The following TPX2 variants were observed in gnomAD, a reference collection of about 807,000 sequenced individuals.
TPX2 encodes targeting protein for Xklp2.
A neutral mutation model predicts 93.6 loss-of-function variants in TPX2; 21 were observed. The ratio of observed to expected loss-of-function variants is 0.22; its 90% CI spans 0.16 to 0.32. The LOEUF (loss-of-function observed/expected upper bound fraction) is 0.32, where lower values mean the gene tolerates loss of function less well. Among genes scored for constraint, TPX2 ranks in the 10% least tolerant of loss-of-function variants. The pLI is 1.00. For synonymous variants in TPX2, 281 were observed against 298.3 expected, an observed-to-expected ratio of 0.94 and a Z score of 0.60; for missense variants, 776 against 871.1, an observed-to-expected ratio of 0.89 and a Z score of 1.37.
At position 31,757,635 on chromosome 20, in the gene TPX2, T is replaced by A. The variant is rs150697779; in HGVS notation, c.106+53T>A. ...TAAGGATTAGTGGCTTGCTTTGTGC[T>A]GAAGACCTTTCAATAATAGAAGGGG... On this transcript the variant is annotated intron_variant, in intron 3 of 17. Transcript: ENST00000300403. 398 of 1,420,666 alleles carry A rather than the reference T, an allele frequency of 2.8e-4. 1 individual carries two copies. The African/African-American group carries it at 5.0e-3, about 18-fold the overall frequency. The allele number at this position is 1,420,666 out of a possible 1,614,324, so 88.0% of individuals were successfully genotyped here. A position where few individuals can be genotyped will look rare whatever the true frequency, so the allele number is the denominator to read the frequency against.
chr20:31,749,189 A>G (rs6060924), intron 2 of TPX2, among the ~76,000 whole-genome samples: 63,232 of 151,488 alleles, frequency 0.42, 17,009 homozygotes, highest in African/African-American at 0.76. Context: ...CTCATGATCC[A>G]CCCGCCTCGG....
intron 13 of TPX2, 127 bp downstream of exon 13, chr20:31,792,957 G>A (rs755891391): frequency 6.3e-6 from 5 of 792,502 alleles, no homozygotes; most frequent in Non-Finnish European, 1.0e-5. Flanking sequence ...TTTAAGAATG[G>A]GTATGAACAT....
At position 31,760,164 on chromosome 20, in the gene TPX2, A is replaced by C; in HGVS notation, c.214A>C (p.Thr72Pro). 6.2e-7 allele frequency: 1 copy of C among 1,613,810 alleles called. No homozygotes were observed. The highest frequency in any genetic ancestry group is 8.5e-7 in the Non-Finnish European group (1 of 1,179,868). ...RKANLQQAIV[T>P]PLKPVDNTYY... The stretch of plus-strand genomic sequence containing the variant: ...GGCTAATCTTCAGCAAGCTATTGTC[A>C]CACCTTTGAAACCAGGTAAGAAAAC... The change falls in exon 4 of 18, where the codon ACA (threonine) becomes CCA (proline). Residue 72 changes from threonine (T) to proline (P), a missense_variant. Thr to Pro is a conservative substitution (Grantham distance 38, BLOSUM62 -1). This residue lies in a region of TPX2 where 279 missense variants were observed against 261.6 expected (regional missense o/e 1.07). Coordinates refer to ENST00000300403, the MANE Select transcript of TPX2 (RefSeq NM_012112.5).
At chr20:31,783,609 T>C in intron 11 of TPX2, 96 bp from the exon 12 acceptor site, 1 of 1,191,702 alleles carries the variant, frequency 8.4e-7, no homozygotes. Flanking sequence ...AGCATAATCT[T>C]AATGATTACT....
chr20:31,796,542 C>T (rs927310032), intron 15 of TPX2, among the ~76,000 whole-genome samples: 1 of 152,150 alleles, frequency 6.6e-6, no homozygotes, highest in Non-Finnish European at 1.5e-5. Flanking sequence ...CCTCTCTTTG[C>T]ATTTTATTTG....
chr20:31,797,411 A>G lies in TPX2; in HGVS notation c.1841A>G (p.Glu614Gly), dbSNP rs2062145117. 53 of 1,614,118 alleles carry G rather than the reference A, an allele frequency of 3.3e-5. No homozygotes were observed. The highest frequency in any genetic ancestry group is 4.2e-5 in the Non-Finnish European group (49 of 1,179,974). Residue 614 changes from glutamate (E) to glycine (G), a missense_variant, in exon 16 of 18, where the codon GAA becomes GGA. This residue lies in a region of TPX2 where 461 missense variants were observed against 551.2 expected (regional missense o/e 0.84). Transcript: ENST00000300403. Reference sequence around the variant, plus strand: ...TGACTTTCTCTCTAATAGCTGGAAGAAGAACTGAGACAGCAGAAAGAAGCA... The same window carrying G: ...TGACTTTCTCTCTAATAGCTGGAAGGAGAACTGAGACAGCAGAAAGAAGCA... The part of the protein sequence containing the change: ...KAQTWKHQLE[E>G]ELRQQKEAAC...
At chr20:31,744,104 C>G (rs2061769549) in intron 2 of TPX2, among the ~76,000 whole-genome samples, 1 of 150,368 alleles carries the variant, frequency 6.7e-6, no homozygotes, top group Non-Finnish European at 1.5e-5. Flanking sequence ...GGACAGCCAA[C>G]TGTATTTCAT....
intron 12 of TPX2, among the ~76,000 whole-genome samples, chr20:31,791,307 G>A (rs757930315): frequency 2.8e-4 from 43 of 152,124 alleles, no homozygotes; most frequent in African/African-American, 9.4e-4. Context: ...TCTTTGAGAC[G>A]GAGTCTTGCT....
intron 6 of TPX2, 50 bp from the exon 7 acceptor site, chr20:31,771,510 G>T (rs767415982): frequency 8.2e-6 from 13 of 1,591,080 alleles, no homozygotes; most frequent in Non-Finnish European, 1.1e-5. Flanking sequence ...GAGGGTACAG[G>T]CTATGCTTCA....
intron 15 of TPX2, among the ~76,000 whole-genome samples, chr20:31,794,757 T>A (rs1247176069): frequency 1.7e-5 from 2 of 121,102 alleles, no homozygotes; most frequent in East Asian, 6.0e-4. Context: ...TGTCGCATAG[T>A]GTGTGTGTGT....
intron 5 of TPX2, among the ~76,000 whole-genome samples, chr20:31,767,440 A>G (rs1269489820): frequency 6.6e-6 from 1 of 151,536 alleles, no homozygotes; most frequent in Admixed American, 6.6e-5. Flanking sequence ...GCAGTGGCAC[A>G]TAGTTCACTG....
intron 4 of TPX2, among the ~76,000 whole-genome samples, chr20:31,765,449 T>C (rs1339840459): frequency 6.6e-6 from 1 of 151,988 alleles, no homozygotes; most frequent in African/African-American, 2.4e-5. Flanking sequence ...CAAACTCATA[T>C]TGGTTTTGTT....
intron 4 of TPX2, among the ~76,000 whole-genome samples, chr20:31,762,238 A>G (rs2061894790): frequency 6.6e-6 from 1 of 152,160 alleles, no homozygotes; most frequent in Non-Finnish European, 1.5e-5. Context: ...AATTTAATAT[A>G]ATCCCATTTG....
chr20:31,794,402 G>A lies in TPX2; in HGVS notation c.1687G>A (p.Val563Met). The A allele has an allele frequency of 6.2e-7, 1 of 1,612,920 alleles. No homozygotes were observed. Residue 563 changes from valine (V) to methionine (M), a missense_variant and splice_region_variant, in exon 15 of 18, where the codon GTG (valine) becomes ATG (methionine). By Grantham distance (21) the Val-to-Met change is conservative. Transcript: ENST00000300403. ...KKIKELQKGE[V>M]PKFKALPLPH... is the part of the protein sequence containing the mutation. ...AACCTCATGTTTTCTTTTCTGTTAGGTGCCCAAGTTCAAGGCACTTCCCTT... is the reference window on the plus strand; with the variant it reads ...AACCTCATGTTTTCTTTTCTGTTAGATGCCCAAGTTCAAGGCACTTCCCTT...
chr20:31,793,930 G>T lies in TPX2; in HGVS notation c.1592G>T (p.Arg531Ile). Residue 531 changes from arginine (R) to isoleucine (I), a missense_variant, in exon 14 of 18, where the codon AGA becomes ATA. Around this residue, in one of 3 missense-constraint regions of TPX2, gnomAD observed 461 missense variants for 551.2 expected, o/e 0.84. Transcript: ENST00000300403. ...TTTAAGCCCCAAATCCCAGAGGCAA[G>T]AACTGTGGAAATATGCCCTTTCTCG... ...VPFKPQIPEA[R>I]TVEICPFSFD... The T allele has an allele frequency of 1.9e-6, 3 of 1,613,976 alleles. No individual in the cohort carries two copies. The highest frequency in any genetic ancestry group is 1.1e-5 in the South Asian group (1 of 91,060).
At chr20:31,751,816 C>G (rs990379037) in intron 2 of TPX2, among the ~76,000 whole-genome samples, 8 of 152,210 alleles carry the variant, frequency 5.3e-5, no homozygotes, top group Admixed American at 5.2e-4. Context: ...AATCTCAGCT[C>G]ACTGCAACCT....
At chr20:31,746,311 G>A (rs921632498) in intron 2 of TPX2, among the ~76,000 whole-genome samples, 1 of 152,158 alleles carries the variant, frequency 6.6e-6, no homozygotes, top group Admixed American at 6.5e-5. Context: ...TTTACTGACT[G>A]CTGCTAATCC....
In TPX2 at chr20:31,800,972, G is replaced by A. The variant is rs147664532; in HGVS notation, c.2136G>A (p.Val712=). The change falls in exon 18 of 18, where the codon GTG becomes GTA. Residue 712 remains valine (V), a splice_region_variant and synonymous_variant. Coordinates refer to ENST00000300403, the MANE Select transcript of TPX2 (RefSeq NM_012112.5). The part of the protein sequence containing the change: ...EELARLRREL[V]HKANPIRKYQ... ...GGTAACTTTTCCTTACTTTGCAGGT[G>A]CATAAGGCAAATCCAATACGCAAGT... 3 of 1,613,634 alleles carry A rather than the reference G, an allele frequency of 1.9e-6. No homozygotes were observed. In the African/African-American group the frequency reaches 4.0e-5, roughly 22 times the overall value.
intron 5 of TPX2, 52 bp downstream of exon 5, chr20:31,766,734 T>C (rs758545385): frequency 8.2e-6 from 13 of 1,581,630 alleles, no homozygotes; most frequent in South Asian, 4.6e-5. Context: ...GTTCAAAGGA[T>C]AGTTACTGGA....
Sources: allele counts gnomAD v4.1 joint callset (sites outside exome capture counted in the v4.1 genomes callset), GRCh38; gene constraint gnomAD v4.1.1; regional missense constraint gnomAD v4.1.1; transcripts MANE v1.5; gene names NCBI Gene and HGNC (gene_info 2026-07-23, HGNC 2026-07-21).